The following FAM13A variants were observed in gnomAD, a reference collection of about 807,000 sequenced individuals.
FAM13A encodes the protein family with sequence similarity 13 member A, also known as protein FAM13A.
FAM13A carries 76 observed loss-of-function variants against 129.6 expected under a neutral mutation model. The observed-to-expected ratio is 0.59, with a 90% CI of 0.49 to 0.71. The LOEUF is 0.71. Among genes scored for constraint, FAM13A ranks in the 30% least tolerant of loss-of-function variants. The pLI is 0.00. For synonymous variants in FAM13A, 443 were observed against 449.9 expected (o/e 0.98, Z 0.20); for missense variants, 1,108 against 1,249.3 (o/e 0.89, Z 1.70).
chr4:89,042,801 TA>T (rs1770333189), intron 1 of FAM13A, among the ~76,000 whole-genome samples: 1 of 152,232 alleles, frequency 6.6e-6, no homozygotes, highest in South Asian at 2.1e-4. Flanking sequence ...AAAAATTATT[TA>T]AAATTGCTTA....
chr4:88,910,412 C>T lies in FAM13A; in HGVS notation c.760-3950G>A, dbSNP rs550274117. On this transcript the variant is annotated intron_variant, in intron 5 of 23. Transcript: ENST00000264344. ...CTAATGACATTTAAAAATAGGAAAGCACTCACTGTCCCCTCAGCCTTGCAC... is the reference window on the plus strand; with the variant it reads ...CTAATGACATTTAAAAATAGGAAAGTACTCACTGTCCCCTCAGCCTTGCAC... Among the ~76,000 whole-genome samples the T allele has an allele frequency of 5.9e-5, 9 of 152,224 alleles. No homozygotes were observed. In the East Asian group the frequency reaches 1.5e-3, roughly 26 times the overall value.
At chr4:88,989,081 G>A (rs987679635) in intron 4 of FAM13A, among the ~76,000 whole-genome samples, 9 of 151,360 alleles carry the variant, frequency 5.9e-5, no homozygotes, top group South Asian at 4.2e-4. Context: ...GATGGTGGGC[G>A]CCTATAATCC....
intron 6 of FAM13A, among the ~76,000 whole-genome samples, chr4:88,899,714 T>C (rs1006378443): frequency 6.6e-6 from 1 of 152,122 alleles, no homozygotes; most frequent in Non-Finnish European, 1.5e-5. Flanking sequence ...CTCAAAAAGC[T>C]AGAGTGTCTC....
At chr4:88,897,216 T>C (rs1403309623) in intron 6 of FAM13A, among the ~76,000 whole-genome samples, 4 of 152,192 alleles carry the variant, frequency 2.6e-5, no homozygotes, top group Non-Finnish European at 5.9e-5. Flanking sequence ...AAAAATCTGT[T>C]TGATGTTCTC....
intron 2 of FAM13A, among the ~76,000 whole-genome samples, chr4:89,023,938 G>T (rs1205859174): frequency 2.6e-5 from 4 of 152,206 alleles, no homozygotes; most frequent in East Asian, 1.9e-4. Flanking sequence ...TCAGAAAAGG[G>T]GGATATTTGG....
chr4:89,045,232 A>C (rs1348871354), intron 1 of FAM13A, among the ~76,000 whole-genome samples: 6 of 141,936 alleles, frequency 4.2e-5, no homozygotes, highest in Admixed American at 4.2e-4. Context: ...GGGGAAAAGG[A>C]AAAGGAAAAA....
At chr4:88,733,782 A>G (rs1010018499) in intron 21 of FAM13A, among the ~76,000 whole-genome samples, 1 of 152,238 alleles carries the variant, frequency 6.6e-6, no homozygotes, top group African/African-American at 2.4e-5. Flanking sequence ...AAAAATTACT[A>G]TTAGAAGAGC....
At chr4:89,045,926 A>C (rs1347207375) in intron 1 of FAM13A, among the ~76,000 whole-genome samples, 1 of 151,630 alleles carries the variant, frequency 6.6e-6, no homozygotes, top group East Asian at 1.9e-4. Flanking sequence ...CGGGAGGCTG[A>C]GGCACAAGAA....
intron 1 of FAM13A, among the ~76,000 whole-genome samples, chr4:89,037,969 C>A (rs545907925): frequency 6.6e-6 from 1 of 152,334 alleles, no homozygotes; most frequent in Admixed American, 6.5e-5. Flanking sequence ...ATAAAGCACC[C>A]AGTCTCAGGT....
chr4:88,746,464 C>T (rs1741360963), intron 19 of FAM13A, among the ~76,000 whole-genome samples: 1 of 152,200 alleles, frequency 6.6e-6, no homozygotes, highest in African/African-American at 2.4e-5. Flanking sequence ...TCTTTACAAA[C>T]ACTAGTTGCA....
At chr4:88,876,491 T>C (rs1159098506) in intron 6 of FAM13A, among the ~76,000 whole-genome samples, 2 of 152,154 alleles carry the variant, frequency 1.3e-5, no homozygotes, top group Non-Finnish European at 2.9e-5. Context: ...AAAAACGATG[T>C]AAAACAGAAT....
At chr4:88,834,408 A>G (rs918967310) in intron 7 of FAM13A, among the ~76,000 whole-genome samples, 4 of 152,208 alleles carry the variant, frequency 2.6e-5, no homozygotes, top group African/African-American at 9.6e-5. Context: ...TAATTAGGAA[A>G]TAAGCTAGAC....
At chr4:88,964,625 A>G (rs974845874) in intron 4 of FAM13A, among the ~76,000 whole-genome samples, 47 of 146,374 alleles carry the variant, frequency 3.2e-4, no homozygotes, top group Admixed American at 2.6e-3. Flanking sequence ...ACTAACATAC[A>G]CTCTGCTCTT....
chr4:88,801,828 G>A (rs1727518034), intron 8 of FAM13A, among the ~76,000 whole-genome samples: 1 of 83,638 alleles, frequency 1.2e-5, no homozygotes, highest in African/African-American at 4.6e-5. Flanking sequence ...AGTGGTGTAG[G>A]GGAGGTGGGA....
chr4:88,833,187 C>A (rs1052177513), intron 7 of FAM13A, among the ~76,000 whole-genome samples: 1 of 152,138 alleles, frequency 6.6e-6, no homozygotes, highest in Non-Finnish European at 1.5e-5. Flanking sequence ...GAAGAGAACA[C>A]ATGGACACTG....
rs543652953 is a variant in FAM13A at position 88,750,654 on chromosome 4, G to A, written c.1727-17C>T. On this transcript the variant is annotated splice_polypyrimidine_tract_variant and intron_variant, in intron 14 of 23. Transcript: ENST00000264344. ...GGATAGGCTCTGGAAGATAAGGGCA[G>A]TAAGATCAGGACTGTTCCTGAAAGA... 8 of 1,557,220 alleles carry A rather than the reference G, an allele frequency of 5.1e-6. No individual in the cohort carries two copies. The Admixed American group carries it at 7.0e-5, about 14-fold the overall frequency.
intron 4 of FAM13A, among the ~76,000 whole-genome samples, chr4:88,987,540 G>A (rs36080226): frequency 0.061 from 9,295 of 152,186 alleles, 392 homozygotes; most frequent in Non-Finnish European, 0.093. Context: ...CAATATCACT[G>A]ATAAGGTATT....
intron 10 of FAM13A, among the ~76,000 whole-genome samples, chr4:88,784,633 A>AG (rs1723616526): frequency 1.3e-5 from 2 of 152,346 alleles, no homozygotes; most frequent in African/African-American, 4.8e-5. Flanking sequence ...ACTTTGCAGT[A>AG]GGATTTTAAT....
rs563302433 is a variant in FAM13A, at chr4:88,732,132, C to T, written c.2713G>A (p.Asp905Asn). The change falls in exon 22 of 24, where the codon GAT (aspartate) becomes AAT (asparagine). Residue 905 changes from aspartate to asparagine, a missense_variant. Physicochemically the swap from Asp to Asn is conservative, Grantham distance 23 (BLOSUM62 1). Around this residue, in one of 3 missense-constraint regions of FAM13A, gnomAD observed 529 missense variants for 621.2 expected, o/e 0.85. Coordinates refer to ENST00000264344, the MANE Select transcript of FAM13A (RefSeq NM_014883.4). Reference sequence around the variant, plus strand: ...TCCAGAAAGCATCGTGCACTGAAATCGGTTTTCAGAGTGACCATGAAGTCT... The same window carrying T: ...TCCAGAAAGCATCGTGCACTGAAATTGGTTTTCAGAGTGACCATGAAGTCT... ...KPDFMVTLKT[D>N]FSARCFLDQF... 73 of 1,613,892 alleles carry T rather than the reference C, an allele frequency of 4.5e-5. No individual in the cohort carries two copies. The highest frequency in any genetic ancestry group is 3.1e-4 in the South Asian group (28 of 91,038).
Sources: allele counts gnomAD v4.1 joint callset (sites outside exome capture counted in the v4.1 genomes callset), GRCh38; gene constraint gnomAD v4.1.1; regional missense constraint gnomAD v4.1.1; transcripts MANE v1.5; gene names NCBI Gene and HGNC (gene_info 2026-07-23, HGNC 2026-07-21).